XKR4: variants seen among roughly 807,000 people sequenced by gnomAD.
The protein encoded by XKR4 is XK related 4.
Under a neutral mutation model 53.9 loss-of-function variants are expected in XKR4, and 12 were observed. That is an observed-to-expected ratio of 0.22 (90% CI 0.14 to 0.36). The LOEUF (loss-of-function observed/expected upper bound fraction) is 0.36, where lower values mean the gene tolerates loss of function less well. Ranked by LOEUF, XKR4 falls within the 10% of genes least tolerant of loss-of-function variation. The probability of loss-of-function intolerance (pLI) is 1.00; values close to 1 mark genes in which losing one functional copy is unlikely to be tolerated. For missense variants in XKR4, 799 were observed against 859.5 expected, an observed-to-expected ratio of 0.93 and a Z score of 0.88; for synonymous variants, 354 against 362.4, an observed-to-expected ratio of 0.98 and a Z score of 0.26.
chr8:55,497,814 G>A (rs1030416091), intron 2 of XKR4, among the ~76,000 whole-genome samples: 2 of 152,162 alleles, frequency 1.3e-5, no homozygotes, highest in African/African-American at 4.8e-5. Flanking sequence ...TGAGATCCAA[G>A]CCGGATCCTG....
intron 2 of XKR4, among the ~76,000 whole-genome samples, chr8:55,448,002 C>T (rs897028258): frequency 6.6e-6 from 1 of 152,322 alleles, no homozygotes; most frequent in Non-Finnish European, 1.5e-5. Context: ...ACCCTCACTC[C>T]TGAGATTGAG....
At chr8:55,184,420 C>T (rs952376192) in intron 1 of XKR4, among the ~76,000 whole-genome samples, 2 of 152,132 alleles carry the variant, frequency 1.3e-5, no homozygotes, top group Admixed American at 6.6e-5. Flanking sequence ...TATTACTCAG[C>T]GCAACTTGTG....
chr8:55,443,872 A>G (rs1437117996), intron 2 of XKR4, among the ~76,000 whole-genome samples: 2 of 151,624 alleles, frequency 1.3e-5, no homozygotes, highest in East Asian at 3.9e-4. Flanking sequence ...AAGAAAAAAA[A>G]AGAAAAAATC....
chr8:55,103,815 T>A lies in XKR4; in HGVS notation c.806+521T>A, dbSNP rs540646090. The stretch of plus-strand genomic sequence containing the variant: ...AATGATCACTGCTGGAGAAGTGCTT[T>A]ACTCAAAGTAAAGATCCTAATAGGC... On this transcript the variant is annotated intron_variant, in intron 1 of 2. Coordinates refer to ENST00000327381, the MANE Select transcript of XKR4 (RefSeq NM_052898.2). Among the ~76,000 whole-genome samples, 45 of 144,284 alleles carry A rather than the reference T, an allele frequency of 3.1e-4. No homozygotes were observed. In the East Asian group the frequency reaches 6.8e-3, roughly 22 times the overall value. The allele number at this position is 144,284 out of a possible 152,430, so 94.7% of individuals were successfully genotyped here. A position where few individuals can be genotyped will look rare whatever the true frequency, so the allele number is the denominator to read the frequency against.
At chr8:55,210,234 G>A (rs189095703) in intron 1 of XKR4, among the ~76,000 whole-genome samples, 4 of 151,906 alleles carry the variant, frequency 2.6e-5, no homozygotes, top group Non-Finnish European at 5.9e-5. Context: ...ACAGGTGCTC[G>A]CCACCACGCC....
intron 2 of XKR4, among the ~76,000 whole-genome samples, chr8:55,457,483 A>G (rs1805588349): frequency 6.6e-6 from 1 of 152,174 alleles, no homozygotes; most frequent in South Asian, 2.1e-4. Context: ...TTCTGTGTCC[A>G]TCAAAACTAT....
chr8:55,285,118 T>G (rs1045300660), intron 1 of XKR4, among the ~76,000 whole-genome samples: 1 of 152,256 alleles, frequency 6.6e-6, no homozygotes, highest in Non-Finnish European at 1.5e-5. Flanking sequence ...TACAATGGTT[T>G]GTAAGGGCTT....
At chr8:55,265,218 TA>T (rs1818579805) in intron 1 of XKR4, among the ~76,000 whole-genome samples, 1 of 152,208 alleles carries the variant, frequency 6.6e-6, no homozygotes, top group African/African-American at 2.4e-5. Flanking sequence ...TCAGGACCAC[TA>T]GCAGTGTCCT....
chr8:55,430,108 A>G (rs1024172294), intron 2 of XKR4, among the ~76,000 whole-genome samples: 2 of 152,238 alleles, frequency 1.3e-5, no homozygotes, highest in Non-Finnish European at 2.9e-5. Context: ...CTTACCTATT[A>G]TAATGGTTAA....
chr8:55,372,910 A>G (rs1804087928), intron 2 of XKR4, among the ~76,000 whole-genome samples: 1 of 152,206 alleles, frequency 6.6e-6, no homozygotes, highest in Non-Finnish European at 1.5e-5. Flanking sequence ...GCAAACTGTC[A>G]GAGCAGATGC....
At chr8:55,419,056 T>C (rs1459156558) in intron 2 of XKR4, among the ~76,000 whole-genome samples, 1 of 152,096 alleles carries the variant, frequency 6.6e-6, no homozygotes, top group African/African-American at 2.4e-5. Flanking sequence ...CAGCGGTGTC[T>C]GACATATGTT....
chr8:55,454,689 G>T, intron 2 of XKR4: 1 of 894,768 alleles, frequency 1.1e-6, no homozygotes. Context: ...ACACATTCAG[G>T]CCCTCCACGT....
intron 2 of XKR4, among the ~76,000 whole-genome samples, chr8:55,461,301 G>C (rs187183259): frequency 2.4e-3 from 373 of 152,356 alleles, no homozygotes; most frequent in Non-Finnish European, 3.9e-3. Context: ...TCAGGCAGCA[G>C]CATTTGCAAT....
At chr8:55,231,932 A>C (rs1020931092) in intron 1 of XKR4, among the ~76,000 whole-genome samples, 1 of 152,168 alleles carries the variant, frequency 6.6e-6, no homozygotes, top group Non-Finnish European at 1.5e-5. Flanking sequence ...TCATGTGCAC[A>C]TTTCCCACCT....
rs201757820 is a variant in XKR4 at position 55,222,845 on chromosome 8, TA to T, written c.806+119554del. Among the ~76,000 whole-genome samples the T allele has an allele frequency of 9.2e-3, 1,399 of 151,956 alleles. 22 individuals carry two copies. Among genetic ancestry groups the T allele is most frequent in the African/African-American group, 0.032 (1,313 of 41,332 alleles). Reference sequence around the variant, plus strand: ...TATTTAAAGGAGGGGATTTTTTTTTTAAAGAATATAAGGTCATTCACACCAC... The same window carrying T: ...TATTTAAAGGAGGGGATTTTTTTTTTAAGAATATAAGGTCATTCACACCAC... On this transcript the variant is annotated intron_variant, in intron 1 of 2. Transcript: ENST00000327381.
intron 1 of XKR4, among the ~76,000 whole-genome samples, chr8:55,268,212 A>G (rs1459257442): frequency 6.6e-6 from 1 of 152,220 alleles, no homozygotes; most frequent in Non-Finnish European, 1.5e-5. Flanking sequence ...AGAGGGTAAC[A>G]AGATTCTCTA....
intron 2 of XKR4, among the ~76,000 whole-genome samples, chr8:55,448,626 A>G (rs1353371725): frequency 1.3e-5 from 2 of 152,168 alleles, no homozygotes; most frequent in Non-Finnish European, 2.9e-5. Context: ...ACTCTTTAGT[A>G]AGGTTATTAT....
At chr8:55,296,672 G>C (rs1333079781) in intron 1 of XKR4, among the ~76,000 whole-genome samples, 1 of 152,116 alleles carries the variant, frequency 6.6e-6, no homozygotes, top group Non-Finnish European at 1.5e-5. Flanking sequence ...TTGAGCTCCT[G>C]TTGAGATTAG....
intron 2 of XKR4, among the ~76,000 whole-genome samples, chr8:55,416,732 C>G (rs1455116568): frequency 6.6e-6 from 1 of 152,188 alleles, no homozygotes; most frequent in Non-Finnish European, 1.5e-5. Flanking sequence ...TATATTGTAT[C>G]TAGCCAAAAG....
Sources: gnomAD v4.1 joint callset for allele counts (sites outside exome capture counted in the v4.1 genomes callset) on GRCh38, gnomAD v4.1.1 for gene constraint, MANE v1.5 for transcripts, NCBI Gene and HGNC (gene_info 2026-07-23, HGNC 2026-07-21) for gene names.